Variants in SLC39A12 observed in about 807,000 individuals in gnomAD.
The protein encoded by SLC39A12 is zinc transporter ZIP12.
In SLC39A12, 63 loss-of-function variants were observed where a neutral mutation model predicts 71.1. That is an observed-to-expected ratio of 0.89 (90% CI 0.72 to 1.09). SLC39A12 has a LOEUF of 1.09. SLC39A12 is among the 50% of genes least tolerant of loss of function. SLC39A12 has a pLI of 0.00. For missense variants in SLC39A12, 892 were observed against 812.6 expected, an observed-to-expected ratio of 1.10 and a Z score of -1.19; for synonymous variants, 351 against 301.3, an observed-to-expected ratio of 1.16 and a Z score of -1.71.
intron 12 of SLC39A12, among the ~76,000 whole-genome samples, chr10:18,021,267 G>C (rs1836525202): frequency 1.3e-5 from 2 of 151,866 alleles, no homozygotes; most frequent in Admixed American, 1.3e-4. Flanking sequence ...TCAAAGATCA[G>C]ATCATTGTAA....
chr10:18,021,105 T>C (rs1400449984), intron 12 of SLC39A12, among the ~76,000 whole-genome samples: 1 of 152,026 alleles, frequency 6.6e-6, no homozygotes, highest in Non-Finnish European at 1.5e-5. Flanking sequence ...AATGCTAGGT[T>C]TTACATTTAA....
chr10:18,025,243 TTTA>T (rs1836644742), intron 12 of SLC39A12, among the ~76,000 whole-genome samples: 1 of 152,070 alleles, frequency 6.6e-6, no homozygotes, highest in Non-Finnish European at 1.5e-5. Flanking sequence ...TTTATTTTTT[TTTA>T]TTATACTTTA....
intron 9 of SLC39A12, among the ~76,000 whole-genome samples, chr10:17,994,378 G>A (rs537201388): frequency 6.6e-6 from 1 of 152,224 alleles, no homozygotes; most frequent in South Asian, 2.1e-4. Flanking sequence ...AGGAGTGTTT[G>A]ATGAGTTTAA....
chr10:18,024,972 CTTTTT>C (rs1836634468), intron 12 of SLC39A12, among the ~76,000 whole-genome samples: 1 of 151,900 alleles, frequency 6.6e-6, no homozygotes, highest in African/African-American at 2.4e-5. Context: ...TCTATATTTT[CTTTTT>C]ATTTAAAGCA....
At chr10:17,956,045 G>A (rs1834538930) in intron 2 of SLC39A12, among the ~76,000 whole-genome samples, 1 of 152,196 alleles carries the variant, frequency 6.6e-6, no homozygotes, top group Admixed American at 6.5e-5. Context: ...CCCCTCCTCA[G>A]GGAGGTCTGT....
intron 12 of SLC39A12, 149 bp downstream of exon 12, chr10:18,003,507 A>G (rs1274061940): frequency 1.5e-6 from 1 of 652,466 alleles, no homozygotes; most frequent in Admixed American, 3.6e-5. Context: ...TTGTACTCCA[A>G]GAAAGTGCAT....
intron 5 of SLC39A12, among the ~76,000 whole-genome samples, chr10:17,979,656 G>C (rs548749669): frequency 6.6e-6 from 1 of 152,292 alleles, no homozygotes; most frequent in African/African-American, 2.4e-5. Context: ...GCTTTCTGTG[G>C]ATGCTTTCTG....
chr10:17,998,445 A>G (rs1451042633), intron 10 of SLC39A12, among the ~76,000 whole-genome samples: 1 of 152,150 alleles, frequency 6.6e-6, no homozygotes, highest in African/African-American at 2.4e-5. Flanking sequence ...CCTTTCACAA[A>G]GAAGAGCTTT....
intron 12 of SLC39A12, among the ~76,000 whole-genome samples, chr10:18,021,229 C>A (rs988746162): frequency 2.0e-5 from 3 of 151,676 alleles, no homozygotes; most frequent in Non-Finnish European, 2.9e-5. Flanking sequence ...AATAGAGAGG[C>A]CTTTTCTGCT....
intron 4 of SLC39A12, among the ~76,000 whole-genome samples, chr10:17,966,067 T>C (rs373716607): frequency 2.7e-4 from 41 of 152,240 alleles, no homozygotes; most frequent in East Asian, 1.3e-3. Flanking sequence ...GTGCAAGACA[T>C]TTGGCAGCAG....
intron 8 of SLC39A12, 115 bp downstream of exon 8, chr10:17,991,418 T>C (rs151057987): frequency 2.9e-5 from 22 of 752,900 alleles, no homozygotes; most frequent in African/African-American, 2.8e-4. Context: ...GGATGTCTAA[T>C]GGAATGCTGA....
intron 2 of SLC39A12, among the ~76,000 whole-genome samples, chr10:17,954,846 T>A (rs1217592955): frequency 6.6e-6 from 1 of 152,088 alleles, no homozygotes; most frequent in Non-Finnish European, 1.5e-5. Context: ...AGGGGAACAT[T>A]TTCTGACCAA....
At chr10:17,969,420 G>A (rs1298660120) in intron 4 of SLC39A12, among the ~76,000 whole-genome samples, 1 of 152,216 alleles carries the variant, frequency 6.6e-6, no homozygotes, top group Non-Finnish European at 1.5e-5. Flanking sequence ...GTGCACCAGT[G>A]TTCCCTTTTC....
At chr10:17,976,650 C>A (rs555591069) in intron 4 of SLC39A12, among the ~76,000 whole-genome samples, 24 of 152,236 alleles carry the variant, frequency 1.6e-4, no homozygotes, top group African/African-American at 5.8e-4. Context: ...GTCTTGAACT[C>A]CTGACCTCAG....
rs188192645 is a variant in SLC39A12, at chr10:18,010,728, G to A, written c.1947+7370G>A. Among the ~76,000 whole-genome samples, 300 of 152,180 alleles carry A rather than the reference G, an allele frequency of 2.0e-3. 1 individual carries two copies. Among genetic ancestry groups the A allele is most frequent in the East Asian group, 0.016 (83 of 5,172 alleles). ...CTCTTTTCTTCTAACTAATTTCTCA[G>A]ATCATACACACACATACACACAGAT... On this transcript the variant is annotated intron_variant, in intron 12 of 12. Coordinates refer to ENST00000377369, the MANE Select transcript of SLC39A12 (RefSeq NM_001145195.2).
At position 18,003,321 on chromosome 10, in the gene SLC39A12, C is replaced by T. The variant is rs776575202; in HGVS notation, c.1910C>T (p.Thr637Ile). Residue 637 changes from threonine (T) to isoleucine (I), a missense_variant, in exon 12 of 13, where the codon ACT becomes ATT. Transcript: ENST00000377369. ...GTTCAAGACTGGATCTTCACAGTCA[C>T]TGCTGGGATGTTCTTATATTTATCC... is the stretch of plus-strand genomic sequence containing the variant. The part of the protein sequence containing the change: ...PCVQDWIFTV[T>I]AGMFLYLSLV... 5.0e-6 allele frequency: 8 copies of T among 1,613,624 alleles called. No individual in the cohort carries two copies. Among genetic ancestry groups the T allele is most frequent in the Non-Finnish European group, 6.8e-6 (8 of 1,179,922 alleles).
intron 4 of SLC39A12, among the ~76,000 whole-genome samples, chr10:17,970,484 ATTG>A: frequency 6.6e-6 from 1 of 151,892 alleles, no homozygotes; most frequent in South Asian, 2.1e-4. Flanking sequence ...TGTCATTTTC[ATTG>A]TAGAAATCTT....
At position 17,987,609 on chromosome 10, in the gene SLC39A12, C is replaced by CGGGACACTGTCTG; in HGVS notation, c.1233_1245dup (p.Ala416ThrfsTer18). The stretch of plus-strand genomic sequence containing the variant: ...TACAGCTGTTTGTGGGCTTGGCCGT[C>CGGGACACTGTCTG]GGGACACTGTCTGGGGACGCTCTGC... On this transcript the variant is annotated frameshift_variant, in exon 7 of 13. Transcript: ENST00000377369. LOFTEE classifies it high-confidence loss of function. 1 of 1,614,132 alleles carries CGGGACACTGTCTG rather than the reference C, an allele frequency of 6.2e-7. No homozygotes were observed. The highest frequency in any genetic ancestry group is 8.5e-7 in the Non-Finnish European group (1 of 1,180,024).
In SLC39A12 at chr10:18,000,691, T is replaced by A; in HGVS notation, c.1625T>A (p.Ile542Asn). 1 of 1,614,202 alleles carries A rather than the reference T, an allele frequency of 6.2e-7. No individual in the cohort carries two copies. The highest frequency in any genetic ancestry group is 8.5e-7 in the Non-Finnish European group (1 of 1,180,036). The change falls in exon 11 of 13, where the codon ATC (isoleucine) becomes AAC (asparagine). Residue 542 changes from isoleucine (I) to asparagine (N), a missense_variant. By Grantham distance (149) the Ile-to-Asn change is moderately radical. Coordinates refer to ENST00000377369, the MANE Select transcript of SLC39A12 (RefSeq NM_001145195.2). ...GGTAAAGCCATTAGCTTGTTAGCAATCATGATTCTGGTTGGGGACAGCCTG... is the reference window on the plus strand; with the variant it reads ...GGTAAAGCCATTAGCTTGTTAGCAAACATGATTCTGGTTGGGGACAGCCTG... ...RKCKAISLLA[I>N]MILVGDSLHN...
Sources: allele counts gnomAD v4.1 joint callset (sites outside exome capture counted in the v4.1 genomes callset), GRCh38; gene constraint gnomAD v4.1.1; transcripts MANE v1.5; gene names NCBI Gene and HGNC (gene_info 2026-07-23, HGNC 2026-07-21).